The following EPHA6 variants were observed in gnomAD, a reference collection of about 807,000 sequenced individuals.
EPHA6 encodes EPH receptor A6.
Under a neutral mutation model 112.0 loss-of-function variants are expected in EPHA6, and 50 were observed. That is an observed-to-expected ratio of 0.45 (90% CI 0.36 to 0.56). The LOEUF is 0.56. EPHA6 is among the 20% of genes least tolerant of loss of function. The pLI, the probability that EPHA6 is intolerant of heterozygous loss-of-function variation, is 0.00. For missense variants in EPHA6, 1,280 were observed against 1,417.4 expected (o/e 0.90, Z 1.56); for synonymous variants, 529 against 490.7 (o/e 1.08, Z -1.03).
At chr3:97,366,598 A>G (rs1228503701) in intron 5 of EPHA6, among the ~76,000 whole-genome samples, 9 of 151,754 alleles carry the variant, frequency 5.9e-5, no homozygotes, top group South Asian at 2.1e-4. Flanking sequence ...ACCATGGAAC[A>G]CACAATTACT....
chr3:97,516,675 CTCT>C (rs2092453482), intron 10 of EPHA6, among the ~76,000 whole-genome samples: 1 of 152,040 alleles, frequency 6.6e-6, no homozygotes, highest in Non-Finnish European at 1.5e-5. Flanking sequence ...TTCTCTATGT[CTCT>C]TCTTTTATAA....
chr3:97,418,552 C>T (rs1391053059), intron 6 of EPHA6, among the ~76,000 whole-genome samples: 1 of 151,924 alleles, frequency 6.6e-6, no homozygotes, highest in Non-Finnish European at 1.5e-5. Flanking sequence ...GAAAATAGTA[C>T]CCTCACATTT....
intron 16 of EPHA6, 135 bp from the exon 17 acceptor site, chr3:97,747,288 A>G (rs373682257): frequency 1.3e-6 from 1 of 740,774 alleles, no homozygotes; most frequent in African/African-American, 1.8e-5. Context: ...AAGATAGAAA[A>G]TCAGAGGCTT....
intron 3 of EPHA6, among the ~76,000 whole-genome samples, chr3:97,134,348 G>A: frequency 6.6e-6 from 1 of 151,990 alleles, no homozygotes; most frequent in East Asian, 1.9e-4. Flanking sequence ...AATCATACAG[G>A]GAGCCTTTAA....
chr3:97,076,740 T>A (rs2046539584), intron 3 of EPHA6, among the ~76,000 whole-genome samples: 1 of 152,162 alleles, frequency 6.6e-6, no homozygotes, highest in African/African-American at 2.4e-5. Context: ...TACGGGCTAA[T>A]GCAGCTTGTA....
intron 5 of EPHA6, among the ~76,000 whole-genome samples, chr3:97,372,585 A>G (rs1030860599): frequency 1.3e-5 from 2 of 152,152 alleles, no homozygotes; most frequent in African/African-American, 4.8e-5. Context: ...TGTTATTGCC[A>G]TGCAATAAAA....
At chr3:96,878,256 A>C (rs757888406) in intron 2 of EPHA6, among the ~76,000 whole-genome samples, 2 of 151,964 alleles carry the variant, frequency 1.3e-5, no homozygotes, top group Non-Finnish European at 2.9e-5. Context: ...TAGTGGGAAC[A>C]GAATTGGCAA....
chr3:97,397,848 G>A (rs919292303), intron 5 of EPHA6, among the ~76,000 whole-genome samples: 1 of 151,332 alleles, frequency 6.6e-6, no homozygotes, highest in Non-Finnish European at 1.5e-5. Flanking sequence ...AGTATGCATT[G>A]TTAAAAATAA....
At chr3:97,581,198 G>C (rs2093434435) in intron 11 of EPHA6, among the ~76,000 whole-genome samples, 1 of 152,202 alleles carries the variant, frequency 6.6e-6, no homozygotes, top group Non-Finnish European at 1.5e-5. Context: ...ATGTCTGGCT[G>C]TTTGTATTAT....
intron 1 of EPHA6, among the ~76,000 whole-genome samples, chr3:96,842,414 G>A (rs2034805925): frequency 6.6e-6 from 1 of 151,940 alleles, no homozygotes; most frequent in South Asian, 2.1e-4. Context: ...ATTCTATGAT[G>A]AGAGAAAAAA....
At position 97,150,318 on chromosome 3, in the gene EPHA6, C is replaced by G. The variant is rs879668640; in HGVS notation, c.1115-75946C>G. ...TATATCATCTAAGTTTCCTTTGTTT[C>G]GGGCTTTTTTGAAGACGTTTGTATA... On this transcript the variant is annotated intron_variant, in intron 3 of 17. Transcript: ENST00000389672. Among the ~76,000 whole-genome samples the G allele has an allele frequency of 4.6e-5, 7 of 152,128 alleles. No homozygotes were observed. The South Asian group carries it at 1.0e-3, about 23-fold the overall frequency.
At chr3:97,080,969 T>C (rs2046701484) in intron 3 of EPHA6, among the ~76,000 whole-genome samples, 1 of 152,024 alleles carries the variant, frequency 6.6e-6, no homozygotes, top group South Asian at 2.1e-4. Flanking sequence ...ACTCACTCTT[T>C]TACAAAAACT....
intron 5 of EPHA6, among the ~76,000 whole-genome samples, chr3:97,387,601 G>C (rs1395411466): frequency 6.6e-6 from 1 of 151,976 alleles, no homozygotes; most frequent in African/African-American, 2.4e-5. Flanking sequence ...CAGCATTTTG[G>C]TCACAACAAT....
chr3:96,935,969 A>G (rs183467718), intron 2 of EPHA6, among the ~76,000 whole-genome samples: 6 of 152,090 alleles, frequency 3.9e-5, no homozygotes, highest in Non-Finnish European at 5.9e-5. Flanking sequence ...GTATGGAACA[A>G]ACCTCCTAAG....
At chr3:97,446,922 T>C (rs1330326554) in intron 6 of EPHA6, among the ~76,000 whole-genome samples, 1 of 152,158 alleles carries the variant, frequency 6.6e-6, no homozygotes, top group Non-Finnish European at 1.5e-5. Flanking sequence ...TAAATAATTA[T>C]TTACTTTCTA....
chr3:97,120,349 T>C (rs2048007681), intron 3 of EPHA6, among the ~76,000 whole-genome samples: 1 of 151,958 alleles, frequency 6.6e-6, no homozygotes, highest in African/African-American at 2.4e-5. Flanking sequence ...GTAAGTTTTA[T>C]AAAACTTGAT....
chr3:96,866,938 T>A, intron 2 of EPHA6, 49 bp downstream of exon 2: 1 of 1,119,578 alleles, frequency 8.9e-7, no homozygotes, highest in South Asian at 1.7e-5. Flanking sequence ...ATTTTTAAGA[T>A]CTCCTAATAG....
chr3:97,080,610 TTAAAC>T (rs1439430621), intron 3 of EPHA6, among the ~76,000 whole-genome samples: 2 of 152,018 alleles, frequency 1.3e-5, no homozygotes, highest in Non-Finnish European at 2.9e-5. Flanking sequence ...ACTTCACAAA[TTAAAC>T]TACAAAAAAA....
At chr3:97,023,630 G>A (rs1279498912) in intron 3 of EPHA6, among the ~76,000 whole-genome samples, 1 of 150,872 alleles carries the variant, frequency 6.6e-6, no homozygotes, top group African/African-American at 2.4e-5. Flanking sequence ...CAACTTTATA[G>A]TATATGACCT....
Sources: allele counts gnomAD v4.1 joint callset (sites outside exome capture counted in the v4.1 genomes callset), GRCh38; gene constraint gnomAD v4.1.1; transcripts MANE v1.5; gene names NCBI Gene and HGNC (gene_info 2026-07-23, HGNC 2026-07-21).